The following KIF2A variants were observed in gnomAD, a reference collection of about 807,000 sequenced individuals.
KIF2A encodes the protein kinesin-like protein KIF2A.
In KIF2A, 22 loss-of-function variants were observed where a neutral mutation model predicts 100.2. The observed-to-expected ratio is 0.22, with a 90% CI of 0.16 to 0.31. KIF2A has a LOEUF of 0.31. KIF2A is among the 10% of genes least tolerant of loss of function. The probability of loss-of-function intolerance (pLI) is 1.00; values close to 1 mark genes in which losing one functional copy is unlikely to be tolerated. For synonymous variants in KIF2A, 268 were observed against 285.9 expected, an observed-to-expected ratio of 0.94 and a Z score of 0.63; for missense variants, 495 against 898.7, an observed-to-expected ratio of 0.55 and a Z score of 5.74.
At chr5:62,367,918 C>T (rs959368231) in intron 16 of KIF2A, among the ~76,000 whole-genome samples, 10 of 152,104 alleles carry the variant, frequency 6.6e-5, no homozygotes, top group African/African-American at 2.2e-4. Flanking sequence ...TATAGCAGTT[C>T]TCTTAATTCA....
chr5:62,357,652 C>T (rs1748184444), intron 7 of KIF2A, 39 bp from the exon 8 acceptor site: 2 of 1,059,696 alleles, frequency 1.9e-6, no homozygotes, highest in Middle Eastern at 2.0e-4. Flanking sequence ...TTTTACATGA[C>T]ACTAATAATC....
chr5:62,323,385 C>T (rs376565285), intron 1 of KIF2A, among the ~76,000 whole-genome samples: 110 of 151,700 alleles, frequency 7.3e-4, no homozygotes, highest in East Asian at 5.4e-3. Context: ...TAGCCGGGCG[C>T]GGCGGCGGGC....
chr5:62,345,702 C>T (rs1450196080), intron 1 of KIF2A, among the ~76,000 whole-genome samples: 1 of 151,896 alleles, frequency 6.6e-6, no homozygotes, highest in African/African-American at 2.4e-5. Context: ...TATTATAGTG[C>T]CCATGTTTTA....
rs1742059632 is a variant in KIF2A, at chr5:62,386,955, G to T, written c.*1386G>T. Reference sequence around the variant, plus strand: ...GATTAACAGCTAAAAATCTCCCAAGGATATCTTGTTTTGATTTATTTACTC... The same window carrying T: ...GATTAACAGCTAAAAATCTCCCAAGTATATCTTGTTTTGATTTATTTACTC... On this transcript the variant is annotated 3_prime_UTR_variant, in exon 21 of 21. Transcript: ENST00000407818. Among the ~76,000 whole-genome samples the T allele has an allele frequency of 6.6e-6, 1 of 152,144 alleles. No individual in the cohort carries two copies. The highest frequency in any genetic ancestry group is 2.1e-4 in the South Asian group (1 of 4,828).
intron 12 of KIF2A, 119 bp from the exon 13 acceptor site, chr5:62,363,059 C>A (rs1421805976): frequency 1.5e-5 from 11 of 758,376 alleles, no homozygotes; most frequent in Non-Finnish European, 1.6e-5. Flanking sequence ...AACTCCTGAG[C>A]TCAAGCCATC....
chr5:62,326,921 G>A (rs900834807), intron 1 of KIF2A, among the ~76,000 whole-genome samples: 71 of 152,078 alleles, frequency 4.7e-4, no homozygotes, highest in African/African-American at 1.7e-3. Flanking sequence ...TGCTTGAGCC[G>A]GGGAGGCGGA....
rs371428289 is a variant in KIF2A at position 62,344,259 on chromosome 5, G to T, written c.65-2871G>T. Among the ~76,000 whole-genome samples, 204 of 151,618 alleles carry T rather than the reference G, an allele frequency of 1.3e-3. 1 individual carries two copies. Among genetic ancestry groups the T allele is most frequent in the African/African-American group, 4.8e-3 (198 of 41,344 alleles). On this transcript the variant is annotated intron_variant, in intron 1 of 20. Transcript: ENST00000407818. The stretch of plus-strand genomic sequence containing the variant: ...CTCAGGAGGCTGAGGCAGGAAAATC[G>T]CTTGAACCTGGGAGGTGGAGGTTGC...
chr5:62,319,427 C>T (rs1011711559), intron 1 of KIF2A, among the ~76,000 whole-genome samples: 15 of 152,180 alleles, frequency 9.9e-5, no homozygotes, highest in African/African-American at 3.6e-4. Flanking sequence ...GCTGAACTTT[C>T]TTGGAACACT....
At chr5:62,365,507 A>T (rs559124958) in intron 15 of KIF2A, among the ~76,000 whole-genome samples, 154 bp downstream of exon 15, 7 of 152,332 alleles carry the variant, frequency 4.6e-5, no homozygotes, top group African/African-American at 1.7e-4. Flanking sequence ...TGCCACTCTG[A>T]TAGAGAGGAT....
rs1742091782 is a variant in KIF2A at position 62,387,526 on chromosome 5, T to A, written c.*1957T>A. On this transcript the variant is annotated 3_prime_UTR_variant, in exon 21 of 21. Coordinates refer to ENST00000407818, the MANE Select transcript of KIF2A (RefSeq NM_001098511.3). Reference sequence around the variant, plus strand: ...ATGGCTTCATTCTGATCAGGTATTTTAAAAATTAGTACCAGAAAAGATACT... The same window carrying A: ...ATGGCTTCATTCTGATCAGGTATTTAAAAAATTAGTACCAGAAAAGATACT... 6.6e-6 allele frequency: 1 copy of A among 152,118 alleles called. No individual in the cohort carries two copies. Among genetic ancestry groups the A allele is most frequent in the Non-Finnish European group, 1.5e-5 (1 of 68,012 alleles). The allele number at this position is 152,118 out of a possible 1,614,324, so 9.4% of individuals were successfully genotyped here.
intron 1 of KIF2A, among the ~76,000 whole-genome samples, chr5:62,322,069 G>GC (rs1746119892): frequency 6.6e-6 from 1 of 151,972 alleles, no homozygotes; most frequent in African/African-American, 2.4e-5. Flanking sequence ...ACAGGCACAA[G>GC]CCACCTTGCC....
At chr5:62,385,094 A>G (rs546082299) in intron 20 of KIF2A, among the ~76,000 whole-genome samples, 6 of 151,926 alleles carry the variant, frequency 3.9e-5, no homozygotes, top group African/African-American at 1.2e-4. Context: ...GTGAGCCTAG[A>G]TCGCACCATT....
chr5:62,343,570 G>A (rs773406597), intron 1 of KIF2A, among the ~76,000 whole-genome samples: 1 of 152,190 alleles, frequency 6.6e-6, no homozygotes, highest in Admixed American at 6.5e-5. Flanking sequence ...TACTCTGTGT[G>A]AGATGGGGGA....
Position 62,355,421 on chromosome 5 carries a change from T to C in KIF2A, c.654+167T>C, listed in dbSNP as rs959899. Among the ~76,000 whole-genome samples, 73,872 of 152,094 alleles carry C rather than the reference T, an allele frequency of 0.49. 18,922 individuals carry two copies. The highest frequency in any genetic ancestry group is 0.64 in the African/African-American group (26,572 of 41,476). On this transcript the variant is annotated intron_variant, in intron 7 of 20. Transcript: ENST00000407818. The stretch of plus-strand genomic sequence containing the variant: ...AAAATCAAGAAATTATCCACATTAA[T>C]GCTTATTTTCCATAATTTGGTATAT...
chr5:62,376,105 T>C (rs1445941801), intron 18 of KIF2A, among the ~76,000 whole-genome samples: 2 of 152,200 alleles, frequency 1.3e-5, no homozygotes, highest in African/African-American at 4.8e-5. Flanking sequence ...TCCCTATACA[T>C]ATCTTTCCAT....
intron 7 of KIF2A, among the ~76,000 whole-genome samples, chr5:62,356,098 C>T (rs971337885): frequency 3.9e-5 from 6 of 152,166 alleles, no homozygotes; most frequent in Non-Finnish European, 7.4e-5. Flanking sequence ...CACGCCCAGC[C>T]GGGAATGCTT....
At chr5:62,319,911 C>G (rs1159811270) in intron 1 of KIF2A, among the ~76,000 whole-genome samples, 5 of 151,832 alleles carry the variant, frequency 3.3e-5, no homozygotes, top group Middle Eastern at 3.4e-3. Context: ...ATGTATATAT[C>G]TATTAGTCTC....
chr5:62,352,866 G>A, intron 5 of KIF2A, 156 bp downstream of exon 5: 3 of 577,252 alleles, frequency 5.2e-6, no homozygotes, highest in Non-Finnish European at 8.4e-6. Flanking sequence ...CTTCTTATTA[G>A]TCTGTTAATT....
rs564760092 is a variant in KIF2A, at chr5:62,342,178, G to A, written c.65-4952G>A. On this transcript the variant is annotated intron_variant, in intron 1 of 20. Coordinates refer to ENST00000407818, the MANE Select transcript of KIF2A (RefSeq NM_001098511.3). ...TATTAGTATATTGTGGGGCTGCCAC[G>A]GGCAGTTGGGGAAAGGATGGCTGCC... Among the ~76,000 whole-genome samples, 6 of 152,258 alleles carry A rather than the reference G, an allele frequency of 3.9e-5. No homozygotes were observed. The East Asian group carries it at 5.8e-4, about 15-fold the overall frequency.
Sources: allele counts gnomAD v4.1 joint callset (sites outside exome capture counted in the v4.1 genomes callset), GRCh38; gene constraint gnomAD v4.1.1; transcripts MANE v1.5; gene names NCBI Gene and HGNC (gene_info 2026-07-23, HGNC 2026-07-21).